ELOVL7: variants seen among roughly 807,000 people sequenced by gnomAD.
ELOVL7 encodes ELOVL fatty acid elongase 7.
Under a neutral mutation model 35.7 loss-of-function variants are expected in ELOVL7, and 27 were observed. The observed-to-expected ratio is 0.76, with a 90% confidence interval of 0.56 to 1.04. ELOVL7 has a LOEUF of 1.04. Ranked by LOEUF, ELOVL7 falls within the 50% of genes least tolerant of loss-of-function variation. The pLI, the probability that ELOVL7 is intolerant of heterozygous loss-of-function variation, is 0.00. For synonymous variants in ELOVL7, 113 were observed against 114.6 expected, an observed-to-expected ratio of 0.99 and a Z score of 0.09; for missense variants, 327 against 340.8, an observed-to-expected ratio of 0.96 and a Z score of 0.32.
At chr5:60,812,423 T>C (rs1161497290) in intron 1 of ELOVL7, among the ~76,000 whole-genome samples, 1 of 152,120 alleles carries the variant, frequency 6.6e-6, no homozygotes, top group Admixed American at 6.5e-5. Context: ...GGTTGTGACC[T>C]ATGTTGTTCA....
chr5:60,833,493 C>CT (rs565914263), intron 1 of ELOVL7, among the ~76,000 whole-genome samples: 2 of 152,202 alleles, frequency 1.3e-5, no homozygotes, highest in South Asian at 4.1e-4. Context: ...TGGCCGCCTC[C>CT]TTTTCTTGTC....
intron 1 of ELOVL7, among the ~76,000 whole-genome samples, chr5:60,810,245 G>A (rs1398843459): frequency 6.6e-6 from 1 of 152,152 alleles, no homozygotes; most frequent in Non-Finnish European, 1.5e-5. Flanking sequence ...GGTTGGCCCA[G>A]TTTAAGGCAG....
intron 1 of ELOVL7, among the ~76,000 whole-genome samples, chr5:60,816,336 G>T (rs1326385403): frequency 6.6e-6 from 1 of 150,638 alleles, no homozygotes; most frequent in Non-Finnish European, 1.5e-5. Flanking sequence ...AGCCGAGATT[G>T]CATCACTGCA....
chr5:60,840,347 G>C (rs1051748618), intron 1 of ELOVL7, among the ~76,000 whole-genome samples: 1 of 152,156 alleles, frequency 6.6e-6, no homozygotes, highest in African/African-American at 2.4e-5. Flanking sequence ...TGAAGACACA[G>C]ACACAAAGGG....
At chr5:60,809,188 G>A (rs550480148) in intron 1 of ELOVL7, among the ~76,000 whole-genome samples, 35 of 152,266 alleles carry the variant, frequency 2.3e-4, no homozygotes, top group Admixed American at 4.6e-4. Flanking sequence ...GAAAAAGAAT[G>A]TTAAGATGAC....
rs762547915 is a variant in ELOVL7 at position 60,844,244 on chromosome 5, G to T, written c.-170C>A. On this transcript the variant is annotated 5_prime_UTR_variant, in exon 1 of 9. Coordinates refer to ENST00000508821, the MANE Select transcript of ELOVL7 (RefSeq NM_024930.3). ...GCGCGAGCGCGGAGCTCCTCACAGC[G>T]GCCCCCGCTGTCCCGGCCGCCGACT... The T allele has an allele frequency of 9.2e-5, 14 of 152,058 alleles. No homozygotes were observed. The highest frequency in any genetic ancestry group is 1.8e-4 in the Non-Finnish European group (12 of 68,026). 9.4% of individuals were successfully genotyped at this position (152,058 alleles called of 1,614,324 possible). A position where few individuals can be genotyped will look rare whatever the true frequency, so the allele number is the denominator to read the frequency against.
intron 7 of ELOVL7, among the ~76,000 whole-genome samples, chr5:60,758,479 G>A (rs2112125608): frequency 6.6e-6 from 1 of 152,258 alleles, no homozygotes; most frequent in Non-Finnish European, 1.5e-5. Context: ...GCAAACTGCT[G>A]AATTTAATTA....
chr5:60,755,643 C>T (rs989935035), intron 8 of ELOVL7, among the ~76,000 whole-genome samples: 4 of 151,764 alleles, frequency 2.6e-5, no homozygotes, highest in Non-Finnish European at 4.4e-5. Context: ...GGTGACAGAG[C>T]GAGATTCCAT....
At chr5:60,768,831 T>C (rs1742405980) in intron 4 of ELOVL7, 2 of 321,200 alleles carry the variant, frequency 6.2e-6, no homozygotes, top group Non-Finnish European at 1.3e-5. Context: ...CTCAGTATAA[T>C]GGTTATATCC....
chr5:60,780,380 A>G (rs1217752438), intron 3 of ELOVL7, among the ~76,000 whole-genome samples: 1 of 151,972 alleles, frequency 6.6e-6, no homozygotes, highest in Non-Finnish European at 1.5e-5. Flanking sequence ...TCGGCCTCCC[A>G]AAGTGCTGGG....
At chr5:60,769,013 C>CT (rs1173746496) in intron 4 of ELOVL7, among the ~76,000 whole-genome samples, 1 of 152,152 alleles carries the variant, frequency 6.6e-6, no homozygotes, top group Non-Finnish European at 1.5e-5. Context: ...TTATTAGACA[C>CT]TATAGTATTA....
At chr5:60,758,143 C>T (rs1031955681) in intron 7 of ELOVL7, among the ~76,000 whole-genome samples, 3 of 152,236 alleles carry the variant, frequency 2.0e-5, no homozygotes, top group African/African-American at 7.2e-5. Flanking sequence ...CCCAAGGTAG[C>T]TTTACTCTAA....
chr5:60,788,305 C>T (rs1439004623), intron 2 of ELOVL7, among the ~76,000 whole-genome samples: 6 of 152,038 alleles, frequency 3.9e-5, no homozygotes, highest in Non-Finnish European at 7.4e-5. Flanking sequence ...ATATTTGATT[C>T]AAAGCCATGT....
intron 1 of ELOVL7, among the ~76,000 whole-genome samples, chr5:60,841,416 T>C (rs1257270040): frequency 6.6e-6 from 1 of 152,186 alleles, no homozygotes; most frequent in Non-Finnish European, 1.5e-5. Context: ...TAAATATTCA[T>C]TGTGGTAGAA....
chr5:60,767,049 T>G (rs1742283749), intron 5 of ELOVL7, among the ~76,000 whole-genome samples: 1 of 152,212 alleles, frequency 6.6e-6, no homozygotes, highest in African/African-American at 2.4e-5. Context: ...TTTTAAAGGC[T>G]GAATCATATT....
intron 3 of ELOVL7, among the ~76,000 whole-genome samples, chr5:60,773,777 G>A (rs1352943998): frequency 6.6e-6 from 1 of 152,176 alleles, no homozygotes; most frequent in Non-Finnish European, 1.5e-5. Flanking sequence ...AACTATGCAT[G>A]GAAACAAGCT....
intron 1 of ELOVL7, among the ~76,000 whole-genome samples, chr5:60,824,940 AC>A (rs1746085090): frequency 6.7e-6 from 1 of 148,540 alleles, no homozygotes; most frequent in Non-Finnish European, 1.5e-5. Context: ...CTGACCTCTG[AC>A]CTTTCCTTCT....
intron 2 of ELOVL7, among the ~76,000 whole-genome samples, chr5:60,789,032 C>G (rs563099344): frequency 5.4e-4 from 82 of 151,464 alleles, no homozygotes; most frequent in Non-Finnish European, 8.6e-4. Flanking sequence ...TAATATAAAC[C>G]AAGATAAACT....
chr5:60,840,570 G>T (rs529590776), intron 1 of ELOVL7, among the ~76,000 whole-genome samples: 1 of 152,256 alleles, frequency 6.6e-6, no homozygotes, highest in South Asian at 2.1e-4. Flanking sequence ...CTACCCAGTT[G>T]GTGGTACTTT....
Sources: gnomAD v4.1 joint callset for allele counts (sites outside exome capture counted in the v4.1 genomes callset) on GRCh38, gnomAD v4.1.1 for gene constraint, MANE v1.5 for transcripts, NCBI Gene and HGNC (gene_info 2026-07-23, HGNC 2026-07-21) for gene names.